Variants in SIDT1 observed in about 807,000 individuals in gnomAD.
SIDT1 encodes SID1 transmembrane family, member 1.
Under a neutral mutation model 107.5 loss-of-function variants are expected in SIDT1, and 101 were observed. The observed-to-expected ratio is 0.94, with a 90% CI of 0.80 to 1.11. The LOEUF is 1.11. Among genes scored for constraint, SIDT1 ranks in the 50% least tolerant of loss-of-function variants. SIDT1 has a pLI of 0.00. For synonymous variants in SIDT1, 395 were observed against 398.2 expected (o/e 0.99, Z 0.10); for missense variants, 1,076 against 1,058.2 (o/e 1.02, Z -0.23).
chr3:113,584,414 A>C (rs1015077517), intron 7 of SIDT1, among the ~76,000 whole-genome samples: 1 of 152,158 alleles, frequency 6.6e-6, no homozygotes, highest in African/African-American at 2.4e-5. Flanking sequence ...ACCCCTCTTC[A>C]TTGGAGAAGG....
chr3:113,592,141 G>A (rs1040786408), intron 9 of SIDT1, among the ~76,000 whole-genome samples: 2 of 152,156 alleles, frequency 1.3e-5, no homozygotes, highest in African/African-American at 4.8e-5. Flanking sequence ...GATGGGGAGT[G>A]GGGAATGGGG....
rs552009580 is a variant in SIDT1 at position 113,535,205 on chromosome 3, T to G, written c.222+1962T>G. Among the ~76,000 whole-genome samples the G allele has an allele frequency of 2.7e-3, 410 of 152,282 alleles. 3 individuals are homozygous for G. The highest frequency in any genetic ancestry group is 0.014 in the Middle Eastern group (4 of 294). On this transcript the variant is annotated intron_variant, in intron 1 of 24. Coordinates refer to ENST00000264852, the MANE Select transcript of SIDT1 (RefSeq NM_017699.3). Reference sequence around the variant, plus strand: ...AGGAGGATCACTTGAGCCCAGGAATTTGAGGCTGCAGTGAGCTGAGCTCTT... The same window carrying G: ...AGGAGGATCACTTGAGCCCAGGAATGTGAGGCTGCAGTGAGCTGAGCTCTT...
intron 8 of SIDT1, 136 bp downstream of exon 8, chr3:113,584,905 G>T: frequency 1.4e-6 from 1 of 691,664 alleles, no homozygotes; most frequent in Non-Finnish European, 2.4e-6. Context: ...AAATAGAAAA[G>T]GGAGTCAGAG....
At position 113,627,857 on chromosome 3, in the gene SIDT1, G is replaced by A. The variant is rs1328991185; in HGVS notation, c.*149G>A. ...CATTCACACAGGAAGGAGAGGGGCT[G>A]CGGGAGATTTAAACCTGCAAGAAAG... On this transcript the variant is annotated 3_prime_UTR_variant, in exon 25 of 25. Coordinates refer to ENST00000264852, the MANE Select transcript of SIDT1 (RefSeq NM_017699.3). The A allele has an allele frequency of 8.7e-6, 6 of 693,252 alleles. No homozygotes were observed. The highest frequency in any genetic ancestry group is 1.5e-5 in the Non-Finnish European group (6 of 401,504). The allele number at this position is 693,252 out of a possible 1,614,324, so 42.9% of individuals were successfully genotyped here.
At chr3:113,551,448 A>G (rs1316029282) in intron 1 of SIDT1, among the ~76,000 whole-genome samples, 1 of 152,254 alleles carries the variant, frequency 6.6e-6, no homozygotes, top group African/African-American at 2.4e-5. Context: ...ATGTAACTCA[A>G]GTTCCCAAGG....
intron 1 of SIDT1, among the ~76,000 whole-genome samples, chr3:113,559,631 A>G (rs927077901): frequency 5.3e-5 from 8 of 151,808 alleles, no homozygotes; most frequent in Non-Finnish European, 1.0e-4. Context: ...TTAAATAGAG[A>G]CAGAGGTTTT....
At chr3:113,612,670 A>G (rs576884279) in intron 19 of SIDT1, among the ~76,000 whole-genome samples, 4 of 152,364 alleles carry the variant, frequency 2.6e-5, no homozygotes, top group African/African-American at 9.6e-5. Flanking sequence ...TCTTAGAGGC[A>G]GGACACCTGC....
intron 3 of SIDT1, among the ~76,000 whole-genome samples, chr3:113,573,161 G>T (rs967566490): frequency 3.1e-4 from 47 of 152,180 alleles, no homozygotes; most frequent in African/African-American, 1.1e-3. Flanking sequence ...AGTGATGTCA[G>T]AAGTCTGGTG....
At chr3:113,573,641 G>A (rs903072528) in intron 3 of SIDT1, among the ~76,000 whole-genome samples, 2 of 152,138 alleles carry the variant, frequency 1.3e-5, no homozygotes, top group African/African-American at 4.8e-5. Flanking sequence ...AGATGATTAG[G>A]TCGTGAGAGT....
chr3:113,545,409 T>C (rs576668843), intron 1 of SIDT1, among the ~76,000 whole-genome samples: 4 of 152,330 alleles, frequency 2.6e-5, no homozygotes, highest in African/African-American at 9.6e-5. Context: ...TCTTATTTGA[T>C]CCAATTATTG....
chr3:113,567,615 C>G lies in SIDT1; in HGVS notation c.420C>G (p.Pro140=). ...CPSEATNETG[P]LQQLIFVDVA... is the part of the protein sequence containing the mutation. ...CAGAAGCAACCAATGAGACGGGACCCTTGCAGCAACTGATATTTGTAGATG... is the reference window on the plus strand; with the variant it reads ...CAGAAGCAACCAATGAGACGGGACCGTTGCAGCAACTGATATTTGTAGATG... The change falls in exon 3 of 25, where the codon CCC becomes CCG. Residue 140 remains proline, a synonymous_variant. Transcript: ENST00000264852. 1 of 1,614,144 alleles carries G rather than the reference C, an allele frequency of 6.2e-7. No individual in the cohort carries two copies. Among genetic ancestry groups the G allele is most frequent in the Non-Finnish European group, 8.5e-7 (1 of 1,180,016 alleles).
intron 10 of SIDT1, among the ~76,000 whole-genome samples, chr3:113,595,599 G>C (rs1164637444): frequency 6.7e-6 from 1 of 149,376 alleles, no homozygotes; most frequent in East Asian, 2.0e-4. Flanking sequence ...AAAGCCTCCA[G>C]ACATTGCCAA....
chr3:113,562,029 G>A (rs557186452), intron 1 of SIDT1, among the ~76,000 whole-genome samples: 5 of 152,204 alleles, frequency 3.3e-5, no homozygotes, highest in Non-Finnish European at 7.3e-5. Flanking sequence ...AGCCTCAAAA[G>A]TGAGTCTGCT....
chr3:113,623,586 G>A (rs369733401), intron 22 of SIDT1, 37 bp from the exon 23 acceptor site: 10 of 1,601,190 alleles, frequency 6.2e-6, no homozygotes, highest in African/African-American at 5.4e-5. Flanking sequence ...GGCGAAGGCG[G>A]GGTCGCGTGA....
intron 3 of SIDT1, among the ~76,000 whole-genome samples, chr3:113,568,078 T>C (rs1449437783): frequency 6.6e-6 from 1 of 152,176 alleles, no homozygotes; most frequent in Non-Finnish European, 1.5e-5. Context: ...ATTAAGCTAT[T>C]TTTCTTGTCC....
At chr3:113,548,607 A>G (rs1939861061) in intron 1 of SIDT1, among the ~76,000 whole-genome samples, 1 of 152,098 alleles carries the variant, frequency 6.6e-6, no homozygotes, top group Non-Finnish European at 1.5e-5. Context: ...GTTTCTTAAA[A>G]GCAGGAACTG....
intron 6 of SIDT1, 65 bp from the exon 7 acceptor site, chr3:113,583,344 C>G (rs1270333027): frequency 1.8e-5 from 22 of 1,233,284 alleles, no homozygotes; most frequent in Non-Finnish European, 2.4e-5. Context: ...GCCCCTACCC[C>G]CAGGGACTTT....
At chr3:113,542,108 A>G (rs538778927) in intron 1 of SIDT1, among the ~76,000 whole-genome samples, 26 of 152,082 alleles carry the variant, frequency 1.7e-4, no homozygotes, top group Middle Eastern at 3.4e-3. Flanking sequence ...ATTTTAGTAC[A>G]GACGGGTTTT....
At chr3:113,635,269 G>A in the SIDT1 span, among the ~76,000 whole-genome samples, 2 of 152,204 alleles carry the variant, frequency 1.3e-5, no homozygotes, top group Non-Finnish European at 2.9e-5. Flanking sequence ...GCCAAGGCAG[G>A]AGGACCACCA....
Sources: allele counts gnomAD v4.1 joint callset (sites outside exome capture counted in the v4.1 genomes callset), GRCh38; gene constraint gnomAD v4.1.1; transcripts MANE v1.5; gene names NCBI Gene and HGNC (gene_info 2026-07-23, HGNC 2026-07-21).